UNC13C: variants seen among roughly 807,000 people sequenced by gnomAD.
UNC13C encodes protein unc-13 homolog C.
UNC13C carries 174 observed loss-of-function variants against 245.4 expected under a neutral mutation model. The ratio of observed to expected loss-of-function variants is 0.71; its 90% confidence interval spans 0.63 to 0.80. The LOEUF (loss-of-function observed/expected upper bound fraction) is 0.80, where lower values mean the gene tolerates loss of function less well. UNC13C is among the 30% of genes least tolerant of loss of function. The pLI is 0.00. For missense variants in UNC13C, 2,829 were observed against 2,602.9 expected (o/e 1.09, Z -1.89); for synonymous variants, 992 against 895.1 (o/e 1.11, Z -1.93).
intron 2 of UNC13C, among the ~76,000 whole-genome samples, chr15:54,029,312 A>G (rs1344355785): frequency 6.6e-6 from 1 of 152,216 alleles, no homozygotes. Flanking sequence ...ATCAACATTT[A>G]TTGAGTGCTA....
intron 17 of UNC13C, among the ~76,000 whole-genome samples, chr15:54,349,911 A>G (rs1409155874): frequency 6.6e-6 from 1 of 152,254 alleles, no homozygotes; most frequent in East Asian, 1.9e-4. Context: ...CTACATAGTA[A>G]CATGGATAAA....
At chr15:54,566,291 G>A (rs1897510035) in intron 29 of UNC13C, among the ~76,000 whole-genome samples, 1 of 152,024 alleles carries the variant, frequency 6.6e-6, no homozygotes, top group Admixed American at 6.6e-5. Context: ...TCAAAGAAAG[G>A]AATTGTCATA....
chr15:54,014,185 G>GA lies in UNC13C; in HGVS notation c.1283dup (p.Ser429GlufsTer22). On this transcript the variant is annotated frameshift_variant, in exon 2 of 33. Coordinates refer to ENST00000260323, the MANE Select transcript of UNC13C (RefSeq NM_001080534.3). LOFTEE classifies it high-confidence loss of function. ...AGGGATACCATCCTCCCAGACATAT[G>GA]AGAGCATGGCTATAAAGTTGTCTAC... 1 of 1,613,898 alleles carries GA rather than the reference G, an allele frequency of 6.2e-7. No individual in the cohort carries two copies. Among genetic ancestry groups the GA allele is most frequent in the Non-Finnish European group, 8.5e-7 (1 of 1,179,844 alleles).
intron 7 of UNC13C, among the ~76,000 whole-genome samples, chr15:54,249,768 G>C (rs1465261223): frequency 6.6e-6 from 1 of 152,148 alleles, no homozygotes; most frequent in Non-Finnish European, 1.5e-5. Flanking sequence ...CCGGTGATAG[G>C]TACTGAAAGC....
chr15:54,184,169 G>A (rs2033892841), intron 4 of UNC13C, among the ~76,000 whole-genome samples: 1 of 152,066 alleles, frequency 6.6e-6, no homozygotes, highest in African/African-American at 2.4e-5. Context: ...AACTTAACAA[G>A]AAAGAAAGCC....
intron 2 of UNC13C, among the ~76,000 whole-genome samples, chr15:54,021,302 AC>A (rs1895895376): frequency 2.0e-5 from 3 of 152,240 alleles, no homozygotes; most frequent in South Asian, 4.1e-4. Flanking sequence ...TCTAGCTCAA[AC>A]TTTTTACCCT....
intron 4 of UNC13C, among the ~76,000 whole-genome samples, chr15:54,205,720 AC>A (rs1387247690): frequency 6.6e-6 from 1 of 151,950 alleles, no homozygotes; most frequent in South Asian, 2.1e-4. Flanking sequence ...AAGCTTCTCT[AC>A]TTTTTGCAGA....
Position 54,284,235 on chromosome 15 carries a change from ATCT to A in UNC13C, c.3819-9658_3819-9656del, listed in dbSNP as rs1355405682. 9.0e-4 allele frequency among the ~76,000 whole-genome samples: 137 copies of A among 152,342 alleles called. 1 individual carries two copies. The highest frequency in any genetic ancestry group is 1.8e-4 in the Non-Finnish European group (12 of 68,024). On this transcript the variant is annotated intron_variant, in intron 10 of 32. Transcript: ENST00000260323. ...AATATCAAACATACATCCAAAGTGGATCTTGTTTCTTCAAACAAATAGTTTAAT... is the reference window on the plus strand; with the variant it reads ...AATATCAAACATACATCCAAAGTGGATGTTTCTTCAAACAAATAGTTTAAT...
intron 30 of UNC13C, among the ~76,000 whole-genome samples, chr15:54,585,081 G>T (rs1345721958): frequency 6.6e-6 from 1 of 152,166 alleles, no homozygotes; most frequent in Non-Finnish European, 1.5e-5. Flanking sequence ...AAGTCTAATA[G>T]AACCTCTCAT....
At chr15:54,507,064 A>G (rs1567336135) in intron 22 of UNC13C, 53 bp from the exon 23 acceptor site, 1 of 1,213,170 alleles carries the variant, frequency 8.2e-7, no homozygotes, top group East Asian at 2.5e-5. Context: ...TTTATAGCAT[A>G]TTTGTAAACT....
At chr15:53,948,085 C>A in the UNC13C span, 2 of 152,086 alleles carry the variant, frequency 1.3e-5, no homozygotes, top group Non-Finnish European at 2.9e-5. Flanking sequence ...AAAGAGTAGG[C>A]TGGGAGTGTA....
At chr15:54,336,851 C>T (rs1201419091) in intron 16 of UNC13C, among the ~76,000 whole-genome samples, 1 of 152,116 alleles carries the variant, frequency 6.6e-6, no homozygotes, top group Non-Finnish European at 1.5e-5. Context: ...CACTACCATC[C>T]TGTCTTGATT....
chr15:54,260,334 T>A (rs1392592901), intron 8 of UNC13C, among the ~76,000 whole-genome samples: 1 of 152,090 alleles, frequency 6.6e-6, no homozygotes, highest in Non-Finnish European at 1.5e-5. Flanking sequence ...AGAGAAAATG[T>A]GACTGTTGAG....
chr15:53,938,601 A>C, the UNC13C span, among the ~76,000 whole-genome samples: 1 of 152,320 alleles, frequency 6.6e-6, no homozygotes, highest in African/African-American at 2.4e-5. Context: ...TTGGTCACAT[A>C]ATAAGAAGTA....
intron 17 of UNC13C, among the ~76,000 whole-genome samples, chr15:54,391,111 G>A (rs757326676): frequency 6.6e-6 from 1 of 151,988 alleles, no homozygotes; most frequent in African/African-American, 2.4e-5. Context: ...TCCTTTCCAT[G>A]TCACTCTTTG....
chr15:54,455,205 C>CTCTCTCTCTCTATATATATA (rs1388065398), intron 19 of UNC13C, among the ~76,000 whole-genome samples: 6 of 18,958 alleles, frequency 3.2e-4, no homozygotes, highest in Non-Finnish European at 4.6e-4. Flanking sequence ...CTCTCTCTCT[C>CTCTCTCTCTCTATATATATA]TATATATATA....
intron 10 of UNC13C, among the ~76,000 whole-genome samples, chr15:54,290,442 A>C (rs917828398): frequency 6.6e-6 from 1 of 152,126 alleles, no homozygotes; most frequent in African/African-American, 2.4e-5. Flanking sequence ...AAATGCACAG[A>C]GACTCAAACT....
At chr15:54,057,812 G>C (rs556405080) in intron 2 of UNC13C, among the ~76,000 whole-genome samples, 21 of 152,054 alleles carry the variant, frequency 1.4e-4, no homozygotes, top group Non-Finnish European at 3.1e-4. Flanking sequence ...GAAACTCACT[G>C]AAAACCACTC....
chr15:54,325,541 C>G (rs1302054905), intron 14 of UNC13C, among the ~76,000 whole-genome samples: 1 of 151,948 alleles, frequency 6.6e-6, no homozygotes, highest in Admixed American at 6.6e-5. Flanking sequence ...GGTGTTTCTC[C>G]TAATGCTATC....
Sources: allele counts gnomAD v4.1 joint callset (sites outside exome capture counted in the v4.1 genomes callset), GRCh38; gene constraint gnomAD v4.1.1; transcripts MANE v1.5; gene names NCBI Gene and HGNC (gene_info 2026-07-23, HGNC 2026-07-21).